EFHC2: variants seen among roughly 807,000 people sequenced by gnomAD.
EFHC2 encodes the protein EF-hand domain containing 2.
In EFHC2, 18 loss-of-function variants were observed where a neutral mutation model predicts 52.7. The ratio of observed to expected loss-of-function variants is 0.34; its 90% CI spans 0.24 to 0.51. The LOEUF (loss-of-function observed/expected upper bound fraction) is 0.51, where lower values mean the gene tolerates loss of function less well. EFHC2 is among the 20% of genes least tolerant of loss of function. The pLI, the probability that EFHC2 is intolerant of heterozygous loss-of-function variation, is 0.97. For missense variants in EFHC2, 513 were observed against 562.5 expected (o/e 0.91, Z 0.89); for synonymous variants, 203 against 204.1 (o/e 0.99, Z 0.04).
chrX:44,243,873 A>G (rs1172625984), intron 7 of EFHC2, among the ~76,000 whole-genome samples: 2 of 112,113 alleles, frequency 1.8e-5, no homozygotes, highest in African/African-American at 6.5e-5. Flanking sequence ...TATCATTGCT[A>G]ACCATTACAT....
At chrX:44,288,344 G>A (rs2037767882) in intron 2 of EFHC2, among the ~76,000 whole-genome samples, 2 of 109,982 alleles carry the variant, frequency 1.8e-5, no homozygotes, top group African/African-American at 6.6e-5. Context: ...TATGGTAACA[G>A]TTTACCCGCA....
At chrX:44,162,521 G>A (rs1355141339) in intron 14 of EFHC2, among the ~76,000 whole-genome samples, 1 of 110,874 alleles carries the variant, frequency 9.0e-6, no homozygotes, top group Non-Finnish European at 1.9e-5. Context: ...TCCAGACCTC[G>A]CAGGACAATA....
intron 11 of EFHC2, among the ~76,000 whole-genome samples, chrX:44,207,704 G>A (rs1012489991): frequency 3.6e-5 from 4 of 112,132 alleles, no homozygotes; most frequent in African/African-American, 1.3e-4. Flanking sequence ...ACTGTCAATG[G>A]AGTAAACAGA....
chrX:44,217,826 T>A (rs2037163367), intron 11 of EFHC2, among the ~76,000 whole-genome samples: 1 of 111,954 alleles, frequency 8.9e-6, no homozygotes, highest in African/African-American at 3.2e-5. Context: ...AACTGCATAC[T>A]TTAAAATAAC....
At chrX:44,180,030 A>C (rs756105485) in intron 11 of EFHC2, among the ~76,000 whole-genome samples, 2 of 111,820 alleles carry the variant, frequency 1.8e-5, no homozygotes, top group African/African-American at 6.5e-5. Context: ...CAGAAATGTT[A>C]AATAACCTGC....
At chrX:44,334,966 G>A (rs1300885184) in intron 1 of EFHC2, among the ~76,000 whole-genome samples, 1 of 91,443 alleles carries the variant, frequency 1.1e-5, no homozygotes, top group Non-Finnish European at 2.1e-5. Context: ...TGGAAATAAT[G>A]TAACTGTACA....
intron 11 of EFHC2, among the ~76,000 whole-genome samples, chrX:44,220,722 T>C (rs1003089318): frequency 8.9e-6 from 1 of 112,438 alleles, no homozygotes; most frequent in Non-Finnish European, 1.9e-5. Context: ...TCCAACTATT[T>C]CCCTATTGTT....
At chrX:44,254,720 C>T (rs1033410364) in intron 4 of EFHC2, among the ~76,000 whole-genome samples, 1 of 111,943 alleles carries the variant, frequency 8.9e-6, no homozygotes, top group South Asian at 3.8e-4. Flanking sequence ...TCCAGGAGAA[C>T]TTCCCCAACC....
At chrX:44,300,880 G>A (rs1354985164) in intron 2 of EFHC2, among the ~76,000 whole-genome samples, 2 of 109,961 alleles carry the variant, frequency 1.8e-5, no homozygotes, top group Admixed American at 1.9e-4. Context: ...GGAGGTCAAG[G>A]CGGGCAGATC....
At chrX:44,235,177 G>T (rs1488252799) in intron 9 of EFHC2, 128 bp downstream of exon 9, 2 of 548,990 alleles carry the variant, frequency 3.6e-6, no homozygotes, top group African/African-American at 2.5e-5. Context: ...ATTGTTCAGG[G>T]TTTTTTTTTA....
chrX:44,324,405 C>T (rs1392107608), intron 1 of EFHC2, among the ~76,000 whole-genome samples: 1 of 111,499 alleles, frequency 9.0e-6, no homozygotes, highest in Non-Finnish European at 1.9e-5. Context: ...CTCTGGTCTC[C>T]CATTTAGCTG....
Position 44,343,174 on chromosome X carries a change from C to T in EFHC2, c.42+373G>A, listed in dbSNP as rs183665071. On this transcript the variant is annotated intron_variant, in intron 1 of 14. Coordinates refer to ENST00000420999, the MANE Select transcript of EFHC2 (RefSeq NM_025184.4). ...ACTGTGTGGTTCTGTGCCTCAGTTT[C>T]CTCAATAGTAACTGGGAATAAAAAC... Among the ~76,000 whole-genome samples the T allele has an allele frequency of 2.2e-3, 249 of 110,710 alleles. 1 individual carries two copies. Among genetic ancestry groups the T allele is most frequent in the African/African-American group, 8.1e-3 (246 of 30,389 alleles).
At chrX:44,302,940 T>C (rs1333031502) in intron 2 of EFHC2, among the ~76,000 whole-genome samples, 1 of 112,163 alleles carries the variant, frequency 8.9e-6, no homozygotes, top group African/African-American at 3.2e-5. Context: ...ATAACATTCC[T>C]AACTGGCTTT....
At chrX:44,166,560 T>C (rs1300621829) in intron 13 of EFHC2, among the ~76,000 whole-genome samples, 1 of 111,536 alleles carries the variant, frequency 9.0e-6, no homozygotes, top group Admixed American at 9.5e-5. Context: ...TCATTAGCCA[T>C]ATGGAAGGTA....
intron 11 of EFHC2, among the ~76,000 whole-genome samples, chrX:44,179,287 CCAGA>C (rs778499245): frequency 2.8e-4 from 31 of 111,369 alleles, no homozygotes; most frequent in Non-Finnish European, 5.5e-4. Flanking sequence ...GCAGCATACA[CCAGA>C]CAGAATTATA....
intron 14 of EFHC2, among the ~76,000 whole-genome samples, chrX:44,152,849 A>G (rs1044852050): frequency 1.8e-5 from 2 of 111,971 alleles, no homozygotes; most frequent in African/African-American, 3.2e-5. Context: ...CAAAACTTAC[A>G]GCAATATTTG....
intron 11 of EFHC2, among the ~76,000 whole-genome samples, chrX:44,194,151 G>A (rs2036944081): frequency 8.9e-6 from 1 of 111,975 alleles, no homozygotes; most frequent in Non-Finnish European, 1.9e-5. Context: ...AAATCAAAAA[G>A]GCAGAAATAT....
chrX:44,168,078 G>C (rs751886846), intron 13 of EFHC2, among the ~76,000 whole-genome samples: 2 of 111,748 alleles, frequency 1.8e-5, no homozygotes, highest in Non-Finnish European at 3.8e-5. Flanking sequence ...CTGAGGAAGA[G>C]AAGCTGAACC....
At chrX:44,300,378 C>A (rs1255699260) in intron 2 of EFHC2, among the ~76,000 whole-genome samples, 1 of 111,174 alleles carries the variant, frequency 9.0e-6, no homozygotes, top group Non-Finnish European at 1.9e-5. Flanking sequence ...AGAAACCAAC[C>A]CTGCCAGCAC....
Sources: allele counts gnomAD v4.1 joint callset (sites outside exome capture counted in the v4.1 genomes callset), GRCh38; gene constraint gnomAD v4.1.1; transcripts MANE v1.5; gene names NCBI Gene and HGNC (gene_info 2026-07-23, HGNC 2026-07-21).